The following CELF2 variants were observed in gnomAD, a reference collection of about 807,000 sequenced individuals.
The protein encoded by CELF2 is CUGBP Elav-like family member 2.
CELF2 carries 8 observed loss-of-function variants against 62.6 expected under a neutral mutation model. The observed-to-expected ratio is 0.13, with a 90% CI of 0.07 to 0.23. The LOEUF is 0.23. Among genes scored for constraint, CELF2 ranks in the 10% least tolerant of loss-of-function variants. The probability of loss-of-function intolerance (pLI) is 1.00; values close to 1 mark genes in which losing one functional copy is unlikely to be tolerated. For missense variants in CELF2, 333 were observed against 671.0 expected, an observed-to-expected ratio of 0.50 and a Z score of 5.56; for synonymous variants, 258 against 250.0, an observed-to-expected ratio of 1.03 and a Z score of -0.30.
At position 11,316,074 on chromosome 10, in the gene CELF2, T is replaced by A. The variant is rs940027570; in HGVS notation, c.1096+1816T>A. On this transcript the variant is annotated intron_variant, in intron 10 of 12. Coordinates refer to ENST00000633077, the MANE Select transcript of CELF2 (RefSeq NM_001326342.2). The surrounding 1 kb of genome is among the most constrained non-coding windows in gnomAD (Gnocchi z 4.4). ...CATTGCTGAGATTTTCCCATCGTTC[T>A]CGTCAGGGACTGGAGAGGGGCTGTG... 1.3e-5 allele frequency among the ~76,000 whole-genome samples: 2 copies of A among 152,230 alleles called. No individual in the cohort carries two copies. The highest frequency in any genetic ancestry group is 6.5e-5 in the Admixed American group (1 of 15,290).
Position 11,309,133 on chromosome 10 carries a change from C to T in CELF2, c.977-5006C>T, listed in dbSNP as rs553966267. 6.6e-6 allele frequency among the ~76,000 whole-genome samples: 1 copy of T among 152,192 alleles called. No homozygotes were observed. Among genetic ancestry groups the T allele is most frequent in the Non-Finnish European group, 1.5e-5 (1 of 68,040 alleles). ...TCTAACATCTGGGCCCTCTTACGCACAGTTTCTGTTGTCTGCTGTCTGCTT... is the reference window on the plus strand; with the variant it reads ...TCTAACATCTGGGCCCTCTTACGCATAGTTTCTGTTGTCTGCTGTCTGCTT... On this transcript the variant is annotated intron_variant, in intron 9 of 12. Coordinates refer to ENST00000633077, the MANE Select transcript of CELF2 (RefSeq NM_001326342.2). This position sits in a 1 kb window ranked among gnomAD's most constrained non-coding sequence, Gnocchi z 5.6.
chr10:10,853,293 T>G (rs1384788565), intron 1 of CELF2, among the ~76,000 whole-genome samples: 1 of 152,192 alleles, frequency 6.6e-6, no homozygotes, highest in Non-Finnish European at 1.5e-5. Context: ...TTAATCATTA[T>G]TTTAACTTTG....
chr10:10,988,121 T>C (rs1398318312), intron 2 of CELF2, among the ~76,000 whole-genome samples: 1 of 152,094 alleles, frequency 6.6e-6, no homozygotes, highest in Non-Finnish European at 1.5e-5. Context: ...AGTCATCATA[T>C]GAAAAAGGCA....
Position 11,227,050 on chromosome 10 carries a change from A to G in CELF2, c.354+9543A>G, listed in dbSNP as rs1284217990. Among the ~76,000 whole-genome samples the G allele has an allele frequency of 6.6e-6, 1 of 152,160 alleles. No homozygotes were observed. Reference sequence around the variant, plus strand: ...CGTGTTCCACAGACAGGGGAAGGGCAAGTATGGAGGCTCACCCTGGAAGAG... The same window carrying G: ...CGTGTTCCACAGACAGGGGAAGGGCGAGTATGGAGGCTCACCCTGGAAGAG... On this transcript the variant is annotated intron_variant, in intron 3 of 12. Coordinates refer to ENST00000633077, the MANE Select transcript of CELF2 (RefSeq NM_001326342.2). This position sits in a 1 kb window ranked among gnomAD's most constrained non-coding sequence, Gnocchi z 4.8.
At chr10:10,648,712 G>T in the CELF2 span, among the ~76,000 whole-genome samples, 1 of 152,062 alleles carries the variant, frequency 6.6e-6, no homozygotes, top group East Asian at 1.9e-4. Context: ...AATATTTTAC[G>T]GTTTGGTAAT....
At chr10:11,135,007 C>T (rs2060207471) in intron 1 of CELF2, among the ~76,000 whole-genome samples, 1 of 152,170 alleles carries the variant, frequency 6.6e-6, no homozygotes, top group Non-Finnish European at 1.5e-5. Context: ...CCTCAAATAC[C>T]AGTGTTTGCA....
chr10:10,977,162 G>A (rs2051446542), intron 2 of CELF2, among the ~76,000 whole-genome samples: 1 of 152,148 alleles, frequency 6.6e-6, no homozygotes, highest in Non-Finnish European at 1.5e-5. Context: ...ACCTGAAGCT[G>A]ATCTGAGTTT....
At chr10:11,118,422 C>G (rs549519431) in intron 1 of CELF2, among the ~76,000 whole-genome samples, 6 of 152,238 alleles carry the variant, frequency 3.9e-5, no homozygotes, top group Non-Finnish European at 5.9e-5. Flanking sequence ...AGGCCTCAGC[C>G]TCCCAAAGTG....
At chr10:10,742,522 A>G in the CELF2 span, among the ~76,000 whole-genome samples, 1 of 151,302 alleles carries the variant, frequency 6.6e-6, no homozygotes, top group East Asian at 1.9e-4. Context: ...CCAGCTGCTC[A>G]GGAGGTTGAG....
At chr10:10,843,392 T>A (rs1311416799) in intron 1 of CELF2, among the ~76,000 whole-genome samples, 2 of 152,090 alleles carry the variant, frequency 1.3e-5, no homozygotes, top group African/African-American at 4.8e-5. Context: ...AATCAGATTA[T>A]TGATCTTTCT....
chr10:10,877,123 C>T (rs147608653), intron 1 of CELF2, among the ~76,000 whole-genome samples: 515 of 152,332 alleles, frequency 3.4e-3, no homozygotes, highest in African/African-American at 0.012. Context: ...AAGTAGAGGC[C>T]ACTGCGGTAA....
chr10:11,161,378 G>A (rs76445164), intron 1 of CELF2, among the ~76,000 whole-genome samples: 4,198 of 152,288 alleles, frequency 0.028, 99 homozygotes, highest in Non-Finnish European at 0.039. Flanking sequence ...AGATGTGTGC[G>A]CATGTGTCTG....
the CELF2 span, among the ~76,000 whole-genome samples, chr10:10,775,285 G>A: frequency 1.3e-5 from 2 of 152,198 alleles, no homozygotes; most frequent in Admixed American, 6.5e-5. Context: ...ACCTTGGCCT[G>A]TCTGAGGCAC....
At chr10:10,725,228 T>C in the CELF2 span, among the ~76,000 whole-genome samples, 1 of 152,206 alleles carries the variant, frequency 6.6e-6, no homozygotes, top group African/African-American at 2.4e-5. Flanking sequence ...TCTAATTACC[T>C]AACAGTAATA....
At chr10:10,820,334 C>G (rs1218213257) in intron 1 of CELF2, among the ~76,000 whole-genome samples, 1 of 152,220 alleles carries the variant, frequency 6.6e-6, no homozygotes, top group Non-Finnish European at 1.5e-5. Context: ...ACTTGTCCTG[C>G]ACAGAATTCA....
At chr10:10,720,021 T>G in the CELF2 span, among the ~76,000 whole-genome samples, 1 of 152,174 alleles carries the variant, frequency 6.6e-6, no homozygotes, top group African/African-American at 2.4e-5. Flanking sequence ...TCTAATTTGG[T>G]CCTAAGTGAA....
At chr10:10,965,467 A>G (rs1369549589) in intron 2 of CELF2, among the ~76,000 whole-genome samples, 1 of 152,234 alleles carries the variant, frequency 6.6e-6, no homozygotes, top group Non-Finnish European at 1.5e-5. Flanking sequence ...AGCATGGATT[A>G]GAATCACCTA....
In CELF2 at chr10:10,957,763, C is replaced by T. The variant is rs147943323; in HGVS notation, c.89+37764C>T. On this transcript the variant is annotated intron_variant, in intron 2 of 13. Coordinates refer to the CELF2 transcript ENST00000636488. The surrounding 1 kb of genome is among the most constrained non-coding windows in gnomAD (Gnocchi z 4.1). ...ACTGGTTTGAAAGTCAGGACAAACACGGGCCCTTTAACTCACAAACCACGT... is the reference window on the plus strand; with the variant it reads ...ACTGGTTTGAAAGTCAGGACAAACATGGGCCCTTTAACTCACAAACCACGT... Among the ~76,000 whole-genome samples the T allele has an allele frequency of 7.9e-4, 121 of 152,276 alleles. 2 individuals are homozygous for T. The highest frequency in any genetic ancestry group is 1.4e-3 in the Non-Finnish European group (96 of 68,018).
Position 10,931,897 on chromosome 10 carries a change from G to A in CELF2, c.89+11898G>A, listed in dbSNP as rs2066102040. Among the ~76,000 whole-genome samples, 3 of 152,188 alleles carry A rather than the reference G, an allele frequency of 2.0e-5. No homozygotes were observed. The South Asian group carries it at 6.2e-4, about 31-fold the overall frequency. ...GAAGGTGAATGAGGATCAAAGTCAT[G>A]TCTTACATGGTGGCTGGCAAGAGAA... On this transcript the variant is annotated intron_variant, in intron 2 of 13. Transcript: ENST00000636488. The surrounding 1 kb of genome is among the most constrained non-coding windows in gnomAD (Gnocchi z 6.1).
Sources: gnomAD v4.1 joint callset for allele counts (sites outside exome capture counted in the v4.1 genomes callset) on GRCh38, gnomAD v4.1.1 for gene constraint, Gnocchi (gnomAD v3.1) non-coding constraint, MANE v1.5 for transcripts, NCBI Gene and HGNC (gene_info 2026-07-23, HGNC 2026-07-21) for gene names.